STARD10: variants seen among roughly 807,000 people sequenced by gnomAD.
STARD10 encodes StAR related lipid transfer domain containing 10, also known as START domain-containing protein 10.
STARD10 carries 24 observed loss-of-function variants against 36.0 expected under a neutral mutation model. That is an observed-to-expected ratio of 0.67 (90% CI 0.48 to 0.94). The LOEUF is 0.94. Among genes scored for constraint, STARD10 ranks in the 40% least tolerant of loss-of-function variants. STARD10 has a pLI of 0.00. For missense variants in STARD10, 335 were observed against 396.6 expected (o/e 0.84, Z 1.32); for synonymous variants, 156 against 161.9 (o/e 0.96, Z 0.28).
chr11:72,760,039 T>G (rs1445449658), intron 2 of STARD10, among the ~76,000 whole-genome samples: 1 of 151,752 alleles, frequency 6.6e-6, no homozygotes, highest in Non-Finnish European at 1.5e-5. Flanking sequence ...GCCTCCAGAA[T>G]AGCTGGGATT....
intron 1 of STARD10, among the ~76,000 whole-genome samples, chr11:72,784,008 C>G (rs559307379): frequency 6.6e-6 from 1 of 152,292 alleles, no homozygotes; most frequent in East Asian, 1.9e-4. Flanking sequence ...CCCCTGGGTC[C>G]TAGGTTTAGG....
chr11:72,766,478 G>A lies in STARD10; in HGVS notation c.208-7097C>T, dbSNP rs548144312. 2.0e-5 allele frequency among the ~76,000 whole-genome samples: 3 copies of A among 152,336 alleles called. No individual in the cohort carries two copies. The South Asian group carries it at 6.2e-4, about 32-fold the overall frequency. ...TGGTAGAGTGCACCTGAGCCCAAAAGGATAAGGCCCTGAGCCACTGAGGGG... is the reference window on the plus strand; with the variant it reads ...TGGTAGAGTGCACCTGAGCCCAAAAAGATAAGGCCCTGAGCCACTGAGGGG... On this transcript the variant is annotated intron_variant, in intron 2 of 6. Coordinates refer to ENST00000334805, the MANE Select transcript of STARD10 (RefSeq NM_006645.3).
chr11:72,760,319 C>A (rs563124454), intron 2 of STARD10, among the ~76,000 whole-genome samples: 141 of 152,200 alleles, frequency 9.3e-4, no homozygotes, highest in African/African-American at 3.3e-3. Context: ...CTCTGCCTTC[C>A]GGTTTCAAAG....
chr11:72,780,636 A>G, intron 2 of STARD10: 1 of 401,456 alleles, frequency 2.5e-6, no homozygotes, highest in Admixed American at 3.6e-5. Context: ...GTCAGGAACC[A>G]GGTGCAGGCT....
chr11:72,766,434 C>T (rs1055879657), intron 2 of STARD10, among the ~76,000 whole-genome samples: 1 of 152,150 alleles, frequency 6.6e-6, no homozygotes, highest in Admixed American at 6.5e-5. Flanking sequence ...CTAGGAGAGG[C>T]GAATGCACAT....
At position 72,780,985 on chromosome 11, in the gene STARD10, T is replaced by C. The variant is rs748252119; in HGVS notation, c.197A>G (p.His66Arg). 6.2e-7 allele frequency: 1 copy of C among 1,614,132 alleles called. No individual in the cohort carries two copies. The highest frequency in any genetic ancestry group is 1.1e-5 in the South Asian group (1 of 91,088). Residue 66 changes from histidine (H) to arginine (R), a missense_variant, in exon 2 of 7, where the codon CAC (histidine) becomes CGC (arginine). Physicochemically the swap from His to Arg is conservative, Grantham distance 29. Transcript: ENST00000334805. Reference protein sequence around the residue: ...VQAVEMDRTLHKIKCRMECCD... With the variant: ...VQAVEMDRTLRKIKCRMECCD... Reference sequence around the variant, plus strand: ...AGCGGGCAACCCTACCTTGATCTTGTGCAGCGTCCGATCCATCTCCACAGC... The same window carrying C: ...AGCGGGCAACCCTACCTTGATCTTGCGCAGCGTCCGATCCATCTCCACAGC...
intron 1 of STARD10, chr11:72,782,377 T>G (rs1859016148): frequency 6.6e-6 from 1 of 152,076 alleles, no homozygotes; most frequent in East Asian, 1.9e-4. Context: ...CACTGGGCTG[T>G]GCAAACCCAG....
rs772248657 is a variant in STARD10, at chr11:72,781,078, G to A, written c.104C>T (p.Ser35Leu). Residue 35 changes from serine (S) to leucine (L), a missense_variant, in exon 2 of 7, where the codon TCA (serine) becomes TTA (leucine). Coordinates refer to ENST00000334805, the MANE Select transcript of STARD10 (RefSeq NM_006645.3). The surrounding 1 kb of genome is among the most constrained non-coding windows in gnomAD (Gnocchi z 4.7). ...PDDQDFRSFR[S>L]ECEAEVGWNL... Reference sequence around the variant, plus strand: ...CCAGCCCACCTCAGCCTCACACTCTGACCGGAAGCTGCGAAAGTCTTGGTC... The same window carrying A: ...CCAGCCCACCTCAGCCTCACACTCTAACCGGAAGCTGCGAAAGTCTTGGTC... 1.7e-5 allele frequency: 27 copies of A among 1,614,098 alleles called. No homozygotes were observed. The highest frequency in any genetic ancestry group is 2.2e-5 in the East Asian group (1 of 44,870).
chr11:72,781,258 G>T lies in STARD10; in HGVS notation c.-77C>A. On this transcript the variant is annotated 5_prime_UTR_variant, in exon 2 of 7. Transcript: ENST00000334805. This position sits in a 1 kb window ranked among gnomAD's most constrained non-coding sequence, Gnocchi z 4.7. ...CCTCCGCGGAGGCTCCGACAACGTC[G>T]ACGCGGCTGCAGATGCTGACGCCAC... The T allele has an allele frequency of 7.5e-7, 1 of 1,332,168 alleles. No individual in the cohort carries two copies. Among genetic ancestry groups the T allele is most frequent in the Non-Finnish European group, 1.0e-6 (1 of 959,230 alleles). 82.5% of individuals were successfully genotyped at this position (1,332,168 alleles called of 1,614,324 possible).
chr11:72,775,905 T>C (rs987586476), intron 2 of STARD10, among the ~76,000 whole-genome samples: 15 of 152,260 alleles, frequency 9.9e-5, no homozygotes, highest in African/African-American at 3.6e-4. Flanking sequence ...CCTGGTGTTC[T>C]TTCCCCAACA....
At chr11:72,785,225 T>C (rs1187936434) in intron 1 of STARD10, among the ~76,000 whole-genome samples, 2 of 151,556 alleles carry the variant, frequency 1.3e-5, no homozygotes, top group African/African-American at 4.9e-5. Context: ...CCCCTCCCTG[T>C]ACAGATAGAG....
intron 1 of STARD10, chr11:72,783,603 C>A (rs1565244804): frequency 6.5e-6 from 1 of 153,114 alleles, no homozygotes; most frequent in East Asian, 1.9e-4. Flanking sequence ...CCAAAGGGGA[C>A]CCCATTAGAG....
At position 72,754,915 on chromosome 11, in the gene STARD10, G is replaced by T. The variant is rs374848566; in HGVS notation, c.858C>A (p.Asp286Glu). ...MGGAGGEGSDDDTSLT is the reference protein window; with the variant it reads ...MGGAGGEGSDEDTSLT Reference sequence around the variant, plus strand: ...GCGGCGCTCAGGTGAGCGAGGTGTCGTCGTCGCTGCCCTCGCCGCCCGCGC... The same window carrying T: ...GCGGCGCTCAGGTGAGCGAGGTGTCTTCGTCGCTGCCCTCGCCGCCCGCGC... Residue 286 changes from aspartate (D) to glutamate (E), a missense_variant, in exon 7 of 7, where the codon GAC becomes GAA. Transcript: ENST00000334805. The T allele has an allele frequency of 6.2e-7, 1 of 1,600,114 alleles. No homozygotes were observed.
Position 72,758,653 on chromosome 11 carries a change from G to T in STARD10, c.356-20C>A. Reference sequence around the variant, plus strand: ...ACCTCCCTGTGGGGGGCAAGGGACAGTTCAGCCAGACCACTGGTCCACCTG... The same window carrying T: ...ACCTCCCTGTGGGGGGCAAGGGACATTTCAGCCAGACCACTGGTCCACCTG... On this transcript the variant is annotated intron_variant, in intron 3 of 6. Transcript: ENST00000334805. 6.3e-7 allele frequency: 1 copy of T among 1,578,198 alleles called. No homozygotes were observed. Among genetic ancestry groups the T allele is most frequent in the South Asian group, 1.1e-5 (1 of 89,600 alleles).
intron 2 of STARD10, chr11:72,780,088 C>T (rs1858972573): frequency 5.3e-6 from 2 of 375,528 alleles, no homozygotes; most frequent in African/African-American, 4.2e-5. Flanking sequence ...AGGGGACCTA[C>T]CAGCCCTGGA....
chr11:72,792,706 C>G (rs1859162935), intron 1 of STARD10, among the ~76,000 whole-genome samples, 169 bp downstream of exon 1: 1 of 152,186 alleles, frequency 6.6e-6, no homozygotes, highest in Non-Finnish European at 1.5e-5. Context: ...GCCCAGGTAT[C>G]ACCTCCAGCT....
chr11:72,787,236 G>A (rs913702455), intron 1 of STARD10, among the ~76,000 whole-genome samples: 1 of 152,064 alleles, frequency 6.6e-6, no homozygotes, highest in African/African-American at 2.4e-5. Flanking sequence ...GAACTTTGTG[G>A]CATCTGTCCT....
At position 72,781,642 on chromosome 11, in the gene STARD10, C is replaced by T. The variant is rs1319286304; in HGVS notation, c.-113-348G>A. On this transcript the variant is annotated intron_variant, in intron 1 of 6. Transcript: ENST00000334805. The surrounding 1 kb of genome is among the most constrained non-coding windows in gnomAD (Gnocchi z 4.7). ...GGCGGGTGGCGGGGCAGGAGGGGCG[C>T]CCTCCAGGCCGGGCTGCTCACCTTT... is the stretch of plus-strand genomic sequence containing the variant. The T allele has an allele frequency of 6.7e-6, 1 of 149,526 alleles. No individual in the cohort carries two copies. Among genetic ancestry groups the T allele is most frequent in the East Asian group, 2.0e-4 (1 of 5,094 alleles). The allele number at this position is 149,526 out of a possible 1,614,324, so 9.3% of individuals were successfully genotyped here. A position where few individuals can be genotyped will look rare whatever the true frequency, so the allele number is the denominator to read the frequency against.
At chr11:72,772,644 G>GCTGTCTGT (rs895999700) in intron 2 of STARD10, among the ~76,000 whole-genome samples, 1 of 152,048 alleles carries the variant, frequency 6.6e-6, no homozygotes, top group Non-Finnish European at 1.5e-5. Context: ...GAAAGCTTCT[G>GCTGTCTGT]CTGTCTGTCT....
Sources: gnomAD v4.1 joint callset for allele counts (sites outside exome capture counted in the v4.1 genomes callset) on GRCh38, gnomAD v4.1.1 for gene constraint, Gnocchi (gnomAD v3.1) non-coding constraint, MANE v1.5 for transcripts, NCBI Gene and HGNC (gene_info 2026-07-23, HGNC 2026-07-21) for gene names.